The following SORCS3 variants were observed in gnomAD, a reference collection of about 807,000 sequenced individuals.
SORCS3 encodes sortilin related VPS10 domain containing receptor 3, also known as VPS10 domain-containing receptor SorCS3.
A neutral mutation model predicts 146.3 loss-of-function variants in SORCS3; 57 were observed. The ratio of observed to expected loss-of-function variants is 0.39; its 90% CI spans 0.31 to 0.49. The LOEUF (loss-of-function observed/expected upper bound fraction) is 0.49, where lower values mean the gene tolerates loss of function less well. Among genes scored for constraint, SORCS3 ranks in the 20% least tolerant of loss-of-function variants. SORCS3 has a pLI of 0.92. For missense variants in SORCS3, 1,341 were observed against 1,575.5 expected, an observed-to-expected ratio of 0.85 and a Z score of 2.52; for synonymous variants, 653 against 618.5, an observed-to-expected ratio of 1.06 and a Z score of -0.83.
At chr10:104,852,092 T>TC (rs1402829235) in intron 2 of SORCS3, among the ~76,000 whole-genome samples, 1 of 152,204 alleles carries the variant, frequency 6.6e-6, no homozygotes, top group South Asian at 2.1e-4. Context: ...TGTAAAAGAT[T>TC]CCCCCCTTCA....
At chr10:105,056,381 C>T (rs1403198802) in intron 5 of SORCS3, among the ~76,000 whole-genome samples, 4 of 152,122 alleles carry the variant, frequency 2.6e-5, no homozygotes, top group Admixed American at 6.6e-5. Flanking sequence ...TTTTGCCCCT[C>T]ACTCCCAGCA....
chr10:105,186,745 G>A (rs11192359), intron 14 of SORCS3, among the ~76,000 whole-genome samples: 36,438 of 151,772 alleles, frequency 0.24, 4,346 homozygotes, highest in South Asian at 0.31. Context: ...TTAGCTGGGC[G>A]TAGTGGTGGG....
intron 2 of SORCS3, among the ~76,000 whole-genome samples, chr10:104,888,076 C>A (rs918470721): frequency 1.3e-5 from 2 of 151,900 alleles, no homozygotes; most frequent in African/African-American, 4.8e-5. Context: ...TGTGCTCTCC[C>A]CTTGGACCTC....
intron 3 of SORCS3, among the ~76,000 whole-genome samples, chr10:104,959,775 TG>T (rs1276923527): frequency 2.0e-5 from 3 of 152,140 alleles, no homozygotes; most frequent in Non-Finnish European, 4.4e-5. Flanking sequence ...TGTCTTGAGC[TG>T]GGGGTAAAAG....
At chr10:104,875,392 T>C (rs560221693) in intron 2 of SORCS3, among the ~76,000 whole-genome samples, 27 of 152,316 alleles carry the variant, frequency 1.8e-4, no homozygotes, top group Middle Eastern at 3.4e-3. Flanking sequence ...TATGTGACCA[T>C]GGACAAGTTA....
intron 8 of SORCS3, among the ~76,000 whole-genome samples, chr10:105,142,087 A>G (rs2056099150): frequency 2.0e-5 from 3 of 152,124 alleles, no homozygotes; most frequent in South Asian, 4.1e-4. Context: ...CTTGGACTCA[A>G]TATTGCCTTA....
intron 4 of SORCS3, among the ~76,000 whole-genome samples, chr10:105,040,519 C>T (rs571706284): frequency 3.6e-4 from 55 of 152,264 alleles, no homozygotes; most frequent in African/African-American, 1.2e-3. Context: ...ATTTCTACCC[C>T]GGTTAATCTT....
At chr10:105,059,683 C>T (rs1293301856) in intron 5 of SORCS3, among the ~76,000 whole-genome samples, 1 of 152,168 alleles carries the variant, frequency 6.6e-6, no homozygotes, top group Non-Finnish European at 1.5e-5. Context: ...AGAATTTCCC[C>T]AATCCCTTGG....
intron 4 of SORCS3, among the ~76,000 whole-genome samples, chr10:105,039,367 A>G: frequency 6.6e-6 from 1 of 151,824 alleles, no homozygotes; most frequent in Non-Finnish European, 1.5e-5. Context: ...CAAACTGAAG[A>G]GCTGAAAAAG....
chr10:104,693,672 C>T (rs1055115537), intron 1 of SORCS3, among the ~76,000 whole-genome samples: 1 of 152,180 alleles, frequency 6.6e-6, no homozygotes, highest in Non-Finnish European at 1.5e-5. Context: ...TGTACCACCA[C>T]TCTCCATTTA....
chr10:105,199,739 A>G (rs2056563540), intron 14 of SORCS3, among the ~76,000 whole-genome samples: 2 of 152,144 alleles, frequency 1.3e-5, no homozygotes, highest in South Asian at 2.1e-4. Context: ...TATATTTTAA[A>G]TGCTTCCTGT....
rs2055813950 is a variant in SORCS3 at position 105,105,432 on chromosome 10, G to A, written c.1129G>A (p.Ala377Thr). 1 of 1,613,578 alleles carries A rather than the reference G, an allele frequency of 6.2e-7. No homozygotes were observed. Among genetic ancestry groups the A allele is most frequent in the South Asian group, 1.1e-5 (1 of 91,074 alleles). ...HYLTCRIQEC[A>T]ETTRSGPFAR... ...CCTCACCTGCAGGATCCAGGAATGT[G>A]CCGAGACAACTAGAAGTGGGCCTTT... Residue 377 changes from alanine to threonine, a missense_variant, in exon 7 of 27, where the codon GCC (alanine) becomes ACC (threonine). Coordinates refer to ENST00000369701, the MANE Select transcript of SORCS3 (RefSeq NM_014978.3).
chr10:105,093,599 G>T (rs1345833464), intron 6 of SORCS3, among the ~76,000 whole-genome samples: 2 of 151,940 alleles, frequency 1.3e-5, no homozygotes, highest in Non-Finnish European at 2.9e-5. Flanking sequence ...ATTTAGCAAA[G>T]AAAATATAAA....
intron 6 of SORCS3, among the ~76,000 whole-genome samples, chr10:105,096,061 G>C (rs926112576): frequency 2.0e-5 from 3 of 151,510 alleles, no homozygotes; most frequent in Middle Eastern, 3.2e-3. Context: ...AGGTATAGAA[G>C]ACAAGTGGTC....
chr10:104,944,228 A>C (rs896866306), intron 3 of SORCS3, among the ~76,000 whole-genome samples: 2 of 152,226 alleles, frequency 1.3e-5, no homozygotes, highest in Non-Finnish European at 2.9e-5. Context: ...TCTGGATTGC[A>C]GATATGACTA....
chr10:104,998,110 T>A (rs1329938830), intron 4 of SORCS3, among the ~76,000 whole-genome samples: 1 of 152,112 alleles, frequency 6.6e-6, no homozygotes, highest in East Asian at 1.9e-4. Context: ...AAAAAGAGGT[T>A]CAGTTGGGAA....
At chr10:104,788,429 C>T (rs144557687) in intron 1 of SORCS3, among the ~76,000 whole-genome samples, 8 of 152,224 alleles carry the variant, frequency 5.3e-5, no homozygotes, top group South Asian at 2.1e-4. Context: ...AAAAAAAATA[C>T]GGTGCAGTAT....
chr10:104,987,349 A>G (rs1031833260), intron 4 of SORCS3, among the ~76,000 whole-genome samples: 2 of 152,132 alleles, frequency 1.3e-5, no homozygotes, highest in African/African-American at 4.8e-5. Flanking sequence ...TTCTTTTCCA[A>G]ATTTTTTATT....
At chr10:104,977,300 C>T in intron 3 of SORCS3, 35 bp from the exon 4 acceptor site, 2 of 1,521,668 alleles carry the variant, frequency 1.3e-6, no homozygotes, top group East Asian at 2.3e-5. Flanking sequence ...TTCCTACTAA[C>T]TCTGTCTGTA....
Sources: allele counts gnomAD v4.1 joint callset (sites outside exome capture counted in the v4.1 genomes callset), GRCh38; gene constraint gnomAD v4.1.1; transcripts MANE v1.5; gene names NCBI Gene and HGNC (gene_info 2026-07-23, HGNC 2026-07-21).